SFRP1: variants seen among roughly 807,000 people sequenced by gnomAD.
SFRP1 encodes secreted frizzled related protein 1.
In SFRP1, 9 loss-of-function variants were observed where a neutral mutation model predicts 25.9. That is an observed-to-expected ratio of 0.35 (90% CI 0.21 to 0.61). The LOEUF (loss-of-function observed/expected upper bound fraction) is 0.61. Among genes scored for constraint, SFRP1 ranks in the 20% least tolerant of loss-of-function variants. SFRP1 has a pLI of 0.78. For missense variants in SFRP1, 346 were observed against 418.2 expected, an observed-to-expected ratio of 0.83 and a Z score of 1.51; for synonymous variants, 178 against 174.0, an observed-to-expected ratio of 1.02 and a Z score of -0.18.
intron 2 of SFRP1, among the ~76,000 whole-genome samples, chr8:41,290,589 G>C (rs921001966): frequency 2.6e-4 from 39 of 152,132 alleles, no homozygotes; most frequent in Middle Eastern, 3.2e-3. Context: ...CAGGTGTCCC[G>C]GGGGCACTGA....
At chr8:41,281,656 G>T (rs1803636115) in intron 2 of SFRP1, among the ~76,000 whole-genome samples, 1 of 152,188 alleles carries the variant, frequency 6.6e-6, no homozygotes, top group South Asian at 2.1e-4. Flanking sequence ...TTGACTGAGG[G>T]TTCACTGTGA....
chr8:41,301,606 T>G (rs1803917680), intron 2 of SFRP1, among the ~76,000 whole-genome samples: 1 of 152,180 alleles, frequency 6.6e-6, no homozygotes, highest in African/African-American at 2.4e-5. Context: ...GCATCAACTC[T>G]TAAGTGAGGA....
intron 2 of SFRP1, among the ~76,000 whole-genome samples, chr8:41,289,350 T>G (rs1585515177): frequency 6.6e-6 from 1 of 152,300 alleles, no homozygotes; most frequent in African/African-American, 2.4e-5. Flanking sequence ...TCACAAACAG[T>G]TCAGTAGCAG....
rs889409854 is a variant in SFRP1 at position 41,309,209 on chromosome 8, T to C, written c.-50A>G. 7.9e-7 allele frequency: 1 copy of C among 1,266,076 alleles called. No individual in the cohort carries two copies. 78.4% of individuals were successfully genotyped at this position (1,266,076 alleles called of 1,614,324 possible). A position where few individuals can be genotyped will look rare whatever the true frequency, so the allele number is the denominator to read the frequency against. Reference sequence around the variant, plus strand: ...CGACGTCGGGGCTGCCTCCGCCGCCTCCCCGCGCGCGTCCTGCCGCAAACT... The same window carrying C: ...CGACGTCGGGGCTGCCTCCGCCGCCCCCCCGCGCGCGTCCTGCCGCAAACT... On this transcript the variant is annotated 5_prime_UTR_variant, in exon 1 of 3. Transcript: ENST00000220772.
intron 2 of SFRP1, among the ~76,000 whole-genome samples, chr8:41,286,226 T>C (rs1156470607): frequency 1.3e-5 from 2 of 152,096 alleles, no homozygotes; most frequent in Admixed American, 6.5e-5. Context: ...CAAGGAAACC[T>C]GCCAGGAGAT....
At chr8:41,301,185 C>T (rs577602720) in intron 2 of SFRP1, among the ~76,000 whole-genome samples, 4 of 152,330 alleles carry the variant, frequency 2.6e-5, no homozygotes, top group Admixed American at 2.6e-4. Flanking sequence ...TTCCAGCAAC[C>T]TGATGTCTTC....
chr8:41,292,231 TGCA>T (rs111963290), intron 2 of SFRP1, among the ~76,000 whole-genome samples: 66 of 152,316 alleles, frequency 4.3e-4, no homozygotes, highest in African/African-American at 1.4e-3. Context: ...CAGAATTCTT[TGCA>T]GCGAAGATCC....
At position 41,262,564 on chromosome 8, in the gene SFRP1, T is replaced by C. The variant is rs1389352718; in HGVS notation, c.*2603A>G. On this transcript the variant is annotated 3_prime_UTR_variant, in exon 3 of 3. Coordinates refer to ENST00000220772, the MANE Select transcript of SFRP1 (RefSeq NM_003012.5). ...CTCCCATGCTATCTTCTAAGATAAC[T>C]ACAAATATTCTTCAAAGATTTAACT... 2.0e-5 allele frequency: 3 copies of C among 152,230 alleles called. No individual in the cohort carries two copies. Among genetic ancestry groups the C allele is most frequent in the Non-Finnish European group, 4.4e-5 (3 of 68,030 alleles). 9.4% of individuals were successfully genotyped at this position (152,230 alleles called of 1,614,324 possible).
Position 41,264,833 on chromosome 8 carries a change from C to T in SFRP1, c.*334G>A, listed in dbSNP as rs997652862. On this transcript the variant is annotated 3_prime_UTR_variant, in exon 3 of 3. Transcript: ENST00000220772. ...GTTTTTGCTGCTGGCTCTCACTTTCCGCCCAATCCCCCTTTTTGTGTTTTA... is the reference window on the plus strand; with the variant it reads ...GTTTTTGCTGCTGGCTCTCACTTTCTGCCCAATCCCCCTTTTTGTGTTTTA... 3 of 248,662 alleles carry T rather than the reference C, an allele frequency of 1.2e-5. No homozygotes were observed. The highest frequency in any genetic ancestry group is 8.0e-5 in the East Asian group (1 of 12,438). 15.4% of individuals were successfully genotyped at this position (248,662 alleles called of 1,614,324 possible).
intron 1 of SFRP1, chr8:41,306,655 C>T: frequency 6.4e-7 from 1 of 1,551,642 alleles, no homozygotes; most frequent in East Asian, 2.3e-5. Flanking sequence ...CCAAGCCCCA[C>T]TCCCGACCGG....
At chr8:41,268,974 C>T (rs568110983) in intron 2 of SFRP1, among the ~76,000 whole-genome samples, 1 of 152,346 alleles carries the variant, frequency 6.6e-6, no homozygotes, top group East Asian at 1.9e-4. Flanking sequence ...GTCCCAGGTC[C>T]TGGGTTCTTC....
chr8:41,295,560 T>C (rs1486764752), intron 2 of SFRP1, among the ~76,000 whole-genome samples: 1 of 151,650 alleles, frequency 6.6e-6, no homozygotes, highest in African/African-American at 2.4e-5. Context: ...TACAGTACCT[T>C]CCCTGGAAAG....
Position 41,289,530 on chromosome 8 carries a change from C to T in SFRP1, c.622+13931G>A, listed in dbSNP as rs148350793. ...TGACACAGTAGGTGGTAGAACCAGG[C>T]GCTGGGCTCACGCCTGTACAGCTCC... On this transcript the variant is annotated intron_variant, in intron 2 of 2. Coordinates refer to ENST00000220772, the MANE Select transcript of SFRP1 (RefSeq NM_003012.5). Among the ~76,000 whole-genome samples, 13 of 152,276 alleles carry T rather than the reference C, an allele frequency of 8.5e-5. No individual in the cohort carries two copies. In the East Asian group the frequency reaches 1.9e-3, roughly 23 times the overall value.
Position 41,265,138 on chromosome 8 carries a change from G to GGTCCCCCCCCCCCCCCC in SFRP1, c.*28_*29insGGGGGGGGGGGGGGGAC. 1 of 508,950 alleles carries GGTCCCCCCCCCCCCCCC rather than the reference G, an allele frequency of 2.0e-6. No homozygotes were observed. The allele number at this position is 508,950 out of a possible 1,614,324, so 31.5% of individuals were successfully genotyped here. On this transcript the variant is annotated 3_prime_UTR_variant, in exon 3 of 3. Transcript: ENST00000220772. ...CCCCCCCGCTCCCACCCCACCCGAG[G>GGTCCCCCCCCCCCCCCC]CTCCCTCCCCACCCTGCCCCCGGGA...
intron 2 of SFRP1, among the ~76,000 whole-genome samples, chr8:41,285,020 C>T (rs1169369845): frequency 6.6e-6 from 1 of 152,354 alleles, no homozygotes; most frequent in East Asian, 1.9e-4. Context: ...CCTCCGCTTC[C>T]GACCTGGTGG....
chr8:41,282,913 T>A (rs1803653569), intron 2 of SFRP1, among the ~76,000 whole-genome samples: 1 of 152,200 alleles, frequency 6.6e-6, no homozygotes, highest in South Asian at 2.1e-4. Context: ...CGGGCCAAAA[T>A]AACTCCAGCT....
intron 2 of SFRP1, among the ~76,000 whole-genome samples, chr8:41,301,886 G>A (rs553809524): frequency 5.9e-4 from 90 of 152,296 alleles, no homozygotes; most frequent in South Asian, 1.9e-3. Context: ...GCCTGCTGCC[G>A]TGGGAAGAAG....
rs73621087 is a variant in SFRP1, at chr8:41,263,783, T to C, written c.*1384A>G. On this transcript the variant is annotated 3_prime_UTR_variant, in exon 3 of 3. Coordinates refer to ENST00000220772, the MANE Select transcript of SFRP1 (RefSeq NM_003012.5). ...GGGTACTTGGGAAAAACTGCAGAGA[T>C]GTTTTGCTTTTGAAACTCTCTCGCT... is the stretch of plus-strand genomic sequence containing the variant. 6.6e-6 allele frequency: 1 copy of C among 152,204 alleles called. No homozygotes were observed. Among genetic ancestry groups the C allele is most frequent in the African/African-American group, 2.4e-5 (1 of 41,416 alleles). 9.4% of individuals were successfully genotyped at this position (152,204 alleles called of 1,614,324 possible). A position where few individuals can be genotyped will look rare whatever the true frequency, so the allele number is the denominator to read the frequency against.
At chr8:41,296,884 T>C (rs1376828691) in intron 2 of SFRP1, among the ~76,000 whole-genome samples, 1 of 152,226 alleles carries the variant, frequency 6.6e-6, no homozygotes, top group Non-Finnish European at 1.5e-5. Flanking sequence ...CCCTCATCAC[T>C]GTCTGGAGGC....
Sources: gnomAD v4.1 joint callset for allele counts (sites outside exome capture counted in the v4.1 genomes callset) on GRCh38, gnomAD v4.1.1 for gene constraint, MANE v1.5 for transcripts, NCBI Gene and HGNC (gene_info 2026-07-23, HGNC 2026-07-21) for gene names.